Variants in CDC42 observed in about 807,000 individuals in gnomAD.
The protein encoded by CDC42 is cell division control protein 42 homolog.
CDC42 carries 1 observed loss-of-function variant against 20.8 expected under a neutral mutation model. That is an observed-to-expected ratio of 0.05 (90% CI 0.02 to 0.23). The LOEUF (loss-of-function observed/expected upper bound fraction) is 0.23. CDC42 is among the 10% of genes least tolerant of loss of function. CDC42 has a pLI of 1.00. For missense variants in CDC42, 49 were observed against 227.9 expected, an observed-to-expected ratio of 0.21 and a Z score of 5.05; for synonymous variants, 72 against 84.8, an observed-to-expected ratio of 0.85 and a Z score of 0.83.
At chr1:22,080,865 ATTTT>A (rs1645599715) in intron 2 of CDC42, among the ~76,000 whole-genome samples, 2 of 152,196 alleles carry the variant, frequency 1.3e-5, no homozygotes, top group Admixed American at 1.3e-4. Context: ...AATAACATGA[ATTTT>A]ACTCATAAAA....
At chr1:22,079,431 G>A (rs1483873135) in intron 2 of CDC42, among the ~76,000 whole-genome samples, 1 of 152,048 alleles carries the variant, frequency 6.6e-6, no homozygotes, top group East Asian at 1.9e-4. Context: ...GAGCCACCAT[G>A]CCTGGCCCCA....
intron 1 of CDC42, among the ~76,000 whole-genome samples, chr1:22,055,926 T>G (rs1645300780): frequency 1.4e-5 from 2 of 146,636 alleles, no homozygotes; most frequent in Middle Eastern, 3.5e-3. Context: ...GCTACAGGGC[T>G]TCCTTTGAAG....
chr1:22,053,436 C>T (rs2152824676), intron 1 of CDC42: 1 of 152,310 alleles, frequency 6.6e-6, no homozygotes, highest in Middle Eastern at 3.4e-3. Context: ...TTTCGGAGGT[C>T]GAGTTCCTAG....
intron 1 of CDC42, among the ~76,000 whole-genome samples, chr1:22,072,505 CTT>C (rs1331946745): frequency 5.3e-5 from 8 of 152,096 alleles, no homozygotes; most frequent in Non-Finnish European, 1.0e-4. Context: ...AGGTGACCTG[CTT>C]TCCCCTCACC....
chr1:22,063,813 C>G (rs1034699301), intron 1 of CDC42, among the ~76,000 whole-genome samples: 4 of 152,054 alleles, frequency 2.6e-5, no homozygotes, highest in South Asian at 2.1e-4. Context: ...CTTCGCCTCC[C>G]GGGTTCAAGT....
chr1:22,074,474 G>A lies in CDC42; in HGVS notation c.-50-3955G>A, dbSNP rs10917138. Among the ~76,000 whole-genome samples, 146 of 152,212 alleles carry A rather than the reference G, an allele frequency of 9.6e-4. 6 individuals are homozygous for A. The East Asian group carries it at 0.023, about 24-fold the overall frequency. On this transcript the variant is annotated intron_variant, in intron 1 of 5. Coordinates refer to ENST00000656825, the MANE Select transcript of CDC42 (RefSeq NM_001791.4). Reference sequence around the variant, plus strand: ...TTATTTAATAGGAGATTAACATAGGGTATATGAACATGTCTGACTTATATA... The same window carrying A: ...TTATTTAATAGGAGATTAACATAGGATATATGAACATGTCTGACTTATATA...
intron 1 of CDC42, among the ~76,000 whole-genome samples, chr1:22,078,054 G>A (rs906627000): frequency 1.3e-5 from 2 of 152,176 alleles, no homozygotes; most frequent in Admixed American, 1.3e-4. Context: ...TGACATACAT[G>A]CATACATACA....
At chr1:22,066,559 C>T (rs751063898) in intron 1 of CDC42, among the ~76,000 whole-genome samples, 7 of 151,968 alleles carry the variant, frequency 4.6e-5, no homozygotes, top group Non-Finnish European at 1.0e-4. Context: ...GTTTCTACTG[C>T]CATATGACAG....
In CDC42 at chr1:22,094,696, G is replaced by T. The variant is rs1055214477; in HGVS notation, c.*3179G>T. Among the ~76,000 whole-genome samples, 1 of 152,292 alleles carries T rather than the reference G, an allele frequency of 6.6e-6. No homozygotes were observed. Among genetic ancestry groups the T allele is most frequent in the Non-Finnish European group, 1.5e-5 (1 of 68,012 alleles). ...GGAAGAAAAGGATTGTGGTTTAAAA[G>T]AACAATTGTAATATTTCCTTCATTC... On this transcript the variant is annotated 3_prime_UTR_variant, in exon 6 of 6. Transcript: ENST00000656825.
At position 22,093,969 on chromosome 1, in the gene CDC42, A is replaced by G. The variant is rs1645739022; in HGVS notation, c.*2452A>G. On this transcript the variant is annotated 3_prime_UTR_variant, in exon 6 of 6. Coordinates refer to ENST00000656825, the MANE Select transcript of CDC42 (RefSeq NM_001791.4). ...CAACGAATTATCCGTGTATCAGAAG[A>G]ACAAGGATGATGGGGATTGATTGAA... Among the ~76,000 whole-genome samples the G allele has an allele frequency of 6.6e-6, 1 of 152,244 alleles. No individual in the cohort carries two copies. Among genetic ancestry groups the G allele is most frequent in the African/African-American group, 2.4e-5 (1 of 41,462 alleles).
chr1:22,089,895 A>C, intron 5 of CDC42: 1 of 1,591,822 alleles, frequency 6.3e-7, no homozygotes, highest in Non-Finnish European at 8.6e-7. Flanking sequence ...TAGTCTTTCT[A>C]ATCCTCTAAC....
chr1:22,071,443 AGTTT>A (rs562617679), intron 1 of CDC42, among the ~76,000 whole-genome samples: 10 of 152,188 alleles, frequency 6.6e-5, no homozygotes, highest in Non-Finnish European at 1.5e-4. Context: ...CAAACAAGAC[AGTTT>A]GTTAGCACAC....
At chr1:22,054,919 ATATTTTTTTTTTTTTTTTTTTTTTTTTTT>A (rs1645285497) in intron 1 of CDC42, among the ~76,000 whole-genome samples, 1 of 9,330 alleles carries the variant, frequency 1.1e-4, no homozygotes, top group African/African-American at 2.9e-4. Context: ...ATATATATAT[ATATTTTTTTTTTTTTTTTTTTTTTTTTTT>A]TTTTTTTTTT....
chr1:22,069,718 T>C (rs1645463732), intron 1 of CDC42, among the ~76,000 whole-genome samples: 3 of 150,630 alleles, frequency 2.0e-5, no homozygotes, highest in African/African-American at 7.3e-5. Flanking sequence ...CCTCCTGCCT[T>C]GGCCTCCCAA....
chr1:22,091,395 G>C, intron 5 of CDC42, 33 bp from the exon 6 acceptor site: 2 of 1,363,430 alleles, frequency 1.5e-6, no homozygotes, highest in Non-Finnish European at 2.1e-6. Flanking sequence ...CTGAAAATCA[G>C]ACCGCCCATT....
chr1:22,086,307 A>G (rs1435762366), intron 3 of CDC42, 132 bp from the exon 4 acceptor site: 12 of 592,770 alleles, frequency 2.0e-5, no homozygotes, highest in Non-Finnish European at 3.0e-6. Context: ...TTGCCCACAT[A>G]TTATATTACA....
Position 22,053,882 on chromosome 1 carries a change from A to T in CDC42, c.-51+1140A>T, listed in dbSNP as rs917407672. 3.9e-5 allele frequency among the ~76,000 whole-genome samples: 6 copies of T among 152,304 alleles called. No homozygotes were observed. In the East Asian group the frequency reaches 1.2e-3, roughly 29 times the overall value. On this transcript the variant is annotated intron_variant, in intron 1 of 5. Transcript: ENST00000656825. ...GTCAGGGAATAAAGTGTAAGACAAC[A>T]CCGTCCACGGCCCCTTGCGTGGCAT...
intron 1 of CDC42, among the ~76,000 whole-genome samples, chr1:22,076,780 G>A (rs1645555630): frequency 6.6e-6 from 1 of 151,990 alleles, no homozygotes; most frequent in Non-Finnish European, 1.5e-5. Flanking sequence ...AGTTAGTATG[G>A]GTGCTTCTTA....
Position 22,054,951 on chromosome 1 carries a change from T to A in CDC42, c.-51+2209T>A, listed in dbSNP as rs1398033418. The stretch of plus-strand genomic sequence containing the variant: ...TTTTTTTTTTTTTTTTTTTTTTTTT[T>A]TTTTTTTTTTTTTTTTTTTTGAGAA... On this transcript the variant is annotated intron_variant, in intron 1 of 5. Transcript: ENST00000656825. Among the ~76,000 whole-genome samples the A allele has an allele frequency of 2.0e-3, 98 of 49,126 alleles. 4 individuals are homozygous for A. The highest frequency in any genetic ancestry group is 4.0e-3 in the East Asian group (6 of 1,482). The allele number at this position is 49,126 out of a possible 152,430, so 32.2% of individuals were successfully genotyped here.
Sources: gnomAD v4.1 joint callset for allele counts (sites outside exome capture counted in the v4.1 genomes callset) on GRCh38, gnomAD v4.1.1 for gene constraint, MANE v1.5 for transcripts, NCBI Gene and HGNC (gene_info 2026-07-23, HGNC 2026-07-21) for gene names.